The following CBX5 variants were observed in gnomAD, a reference collection of about 807,000 sequenced individuals.
CBX5 encodes chromobox 5.
In CBX5, 7 loss-of-function variants were observed where a neutral mutation model predicts 20.7. The observed-to-expected ratio is 0.34, with a 90% CI of 0.19 to 0.63. The LOEUF (loss-of-function observed/expected upper bound fraction) is 0.63, where lower values mean the gene tolerates loss of function less well. Ranked by LOEUF, CBX5 falls within the 30% of genes least tolerant of loss-of-function variation. The probability of loss-of-function intolerance (pLI) is 0.75; values close to 1 mark genes in which losing one functional copy is unlikely to be tolerated. For synonymous variants in CBX5, 78 were observed against 77.0 expected, an observed-to-expected ratio of 1.01 and a Z score of -0.07; for missense variants, 110 against 224.1, an observed-to-expected ratio of 0.49 and a Z score of 3.25.
At chr12:54,272,470 ATTTTGAT>A (rs1444151783) in intron 1 of CBX5, 1 of 152,174 alleles carries the variant, frequency 6.6e-6, no homozygotes, top group Non-Finnish European at 1.5e-5. Context: ...TCAGTGTTTA[ATTTTGAT>A]GAACTACTAC....
intron 1 of CBX5, among the ~76,000 whole-genome samples, chr12:54,265,901 G>C (rs1347279462): frequency 6.6e-6 from 1 of 151,990 alleles, no homozygotes; most frequent in Admixed American, 6.6e-5. Context: ...ACAAAAATTA[G>C]CCAGGTAAGG....
At chr12:54,268,843 T>C (rs1042908774) in intron 1 of CBX5, among the ~76,000 whole-genome samples, 2 of 152,230 alleles carry the variant, frequency 1.3e-5, no homozygotes, top group African/African-American at 4.8e-5. Flanking sequence ...ATTGGACAAC[T>C]TCATTGACTC....
At chr12:54,241,953 A>G (rs763310613) in intron 4 of CBX5, 48 bp from the exon 5 acceptor site, 1 of 1,569,612 alleles carries the variant, frequency 6.4e-7, no homozygotes, top group Non-Finnish European at 8.7e-7. Context: ...GAGTGAAAGA[A>G]TCTGTCCAGA....
chr12:54,252,109 C>G lies in CBX5; in HGVS notation c.256G>C (p.Glu86Gln). ...AAATTGGATTTCCTCTTGTTACTTT[C>G]TGACTTCTCCCTGGGTTTATTATTT... ...GENNKPREKS[E>Q]SNKRKSNFSN... Residue 86 changes from glutamate to glutamine, a missense_variant, in exon 3 of 5, where the codon GAA (glutamate) becomes CAA (glutamine). Physicochemically the swap from Glu to Gln is conservative, Grantham distance 29 (BLOSUM62 2). Around this residue, in one of 3 missense-constraint regions of CBX5, gnomAD observed 58 missense variants for 120.6 expected, o/e 0.48. Transcript: ENST00000209875. 1 of 1,612,206 alleles carries G rather than the reference C, an allele frequency of 6.2e-7. No individual in the cohort carries two copies. Among genetic ancestry groups the G allele is most frequent in the Non-Finnish European group, 8.5e-7 (1 of 1,179,382 alleles).
Position 54,236,437 on chromosome 12 carries a change from T to C in CBX5, c.*5318A>G, listed in dbSNP as rs1943623662. ...GGAATTTAGAAAGCTTAATAAAAAT[T>C]GGGTGAGGGGGCATCTAATTCAGAA... On this transcript the variant is annotated 3_prime_UTR_variant, in exon 5 of 5. Transcript: ENST00000209875. 3 of 152,150 alleles carry C rather than the reference T, an allele frequency of 2.0e-5. No homozygotes were observed. The highest frequency in any genetic ancestry group is 7.2e-5 in the African/African-American group (3 of 41,426). The allele number at this position is 152,150 out of a possible 1,614,324, so 9.4% of individuals were successfully genotyped here.
intron 1 of CBX5, among the ~76,000 whole-genome samples, chr12:54,274,765 C>G (rs1223042294): frequency 1.3e-5 from 2 of 152,020 alleles, no homozygotes; most frequent in Non-Finnish European, 2.9e-5. Context: ...CGGTGAAATC[C>G]TGTCTCTACT....
intron 3 of CBX5, 49 bp downstream of exon 3, chr12:54,251,991 AT>A: frequency 7.2e-7 from 1 of 1,391,384 alleles, no homozygotes; most frequent in East Asian, 2.5e-5. Flanking sequence ...TATTATTATT[AT>A]TTTGGTGGCA....
chr12:54,251,969 G>A (rs1943809042), intron 3 of CBX5, 72 bp downstream of exon 3: 1 of 1,320,714 alleles, frequency 7.6e-7, no homozygotes, highest in African/African-American at 1.5e-5. Flanking sequence ...ACCAAAATAT[G>A]ATACTTTTAT....
In CBX5 at chr12:54,237,731, C is replaced by A; in HGVS notation, c.*4024G>T. ...CAGGGCTTTTCTCATCCTGCCTTCC[C>A]ATCACCTGACCCTCCTCTGAAACCA... On this transcript the variant is annotated 3_prime_UTR_variant, in exon 5 of 5. Coordinates refer to ENST00000209875, the MANE Select transcript of CBX5 (RefSeq NM_012117.3). The A allele has an allele frequency of 6.0e-6, 1 of 167,442 alleles. No individual in the cohort carries two copies. Among genetic ancestry groups the A allele is most frequent in the East Asian group, 1.6e-4 (1 of 6,168 alleles). The allele number at this position is 167,442 out of a possible 1,614,324, so 10.4% of individuals were successfully genotyped here.
intron 1 of CBX5, among the ~76,000 whole-genome samples, chr12:54,275,379 C>A (rs1340995313): frequency 6.6e-6 from 1 of 151,938 alleles, no homozygotes; most frequent in Non-Finnish European, 1.5e-5. Context: ...GTAGCTGGGG[C>A]TACAGGCGTG....
chr12:54,272,574 T>C (rs768445117), intron 1 of CBX5: 1 of 152,214 alleles, frequency 6.6e-6, no homozygotes, highest in African/African-American at 2.4e-5. Flanking sequence ...ACATCCCTTG[T>C]AGAAAATCTT....
chr12:54,253,701 CTG>C (rs934562082), intron 2 of CBX5, among the ~76,000 whole-genome samples: 4 of 141,602 alleles, frequency 2.8e-5, no homozygotes, highest in African/African-American at 1.1e-4. Context: ...GCACTCCCAC[CTG>C]GGTAACAGAG....
At chr12:54,258,588 C>G (rs1395725312) in intron 1 of CBX5, among the ~76,000 whole-genome samples, 1 of 152,144 alleles carries the variant, frequency 6.6e-6, no homozygotes, top group African/African-American at 2.4e-5. Context: ...AAAGCTGAAG[C>G]AAGGAAACAC....
intron 2 of CBX5, among the ~76,000 whole-genome samples, chr12:54,256,817 C>A (rs1592159595): frequency 6.6e-6 from 1 of 152,118 alleles, no homozygotes; most frequent in Non-Finnish European, 1.5e-5. Flanking sequence ...CTTTGGGAGG[C>A]CAAGGCAGGT....
chr12:54,254,969 G>A (rs972732137), intron 2 of CBX5, among the ~76,000 whole-genome samples: 1 of 152,184 alleles, frequency 6.6e-6, no homozygotes, highest in Non-Finnish European at 1.5e-5. Context: ...ATCAAAAGGT[G>A]TACCAAGACT....
At chr12:54,279,506 C>T (rs1490793658) in intron 1 of CBX5, among the ~76,000 whole-genome samples, 1 of 152,160 alleles carries the variant, frequency 6.6e-6, no homozygotes, top group East Asian at 1.9e-4. Flanking sequence ...TTCCTCACAA[C>T]CCCAAATCGA....
intron 3 of CBX5, among the ~76,000 whole-genome samples, chr12:54,250,827 A>AAG (rs1943791326): frequency 7.0e-6 from 1 of 143,786 alleles, no homozygotes; most frequent in Non-Finnish European, 1.5e-5. Context: ...AAAAAAAAAA[A>AAG]AAAAAAAAAA....
intron 1 of CBX5, chr12:54,258,528 T>C (rs1214473574): frequency 6.6e-6 from 1 of 152,078 alleles, no homozygotes; most frequent in Non-Finnish European, 1.5e-5. Context: ...AGACTCAGCA[T>C]CAACATGAAG....
rs370647368 is a variant in CBX5, at chr12:54,257,308, T to C, written c.137+206A>G. 5.9e-5 allele frequency among the ~76,000 whole-genome samples: 9 copies of C among 152,330 alleles called. 1 individual carries two copies. Among genetic ancestry groups the C allele is most frequent in the East Asian group, 1.9e-4 (1 of 5,190 alleles). On this transcript the variant is annotated intron_variant, in intron 2 of 4. Coordinates refer to ENST00000209875, the MANE Select transcript of CBX5 (RefSeq NM_012117.3). ...GAGTCTGTGCTCCTAACCAATTCAT[T>C]ATACTGCCTTTCAAAAGCAGTATCA...
Sources: gnomAD v4.1 joint callset for allele counts (sites outside exome capture counted in the v4.1 genomes callset) on GRCh38, gnomAD v4.1.1 for gene constraint, gnomAD v4.1.1 regional missense constraint, MANE v1.5 for transcripts, NCBI Gene and HGNC (gene_info 2026-07-23, HGNC 2026-07-21) for gene names.